Variants in ARID2 observed in about 807,000 individuals in gnomAD.
ARID2 encodes AT-rich interaction domain 2.
A neutral mutation model predicts 184.6 loss-of-function variants in ARID2; 32 were observed. The ratio of observed to expected loss-of-function variants is 0.17; its 90% CI spans 0.13 to 0.23. The LOEUF (loss-of-function observed/expected upper bound fraction) is 0.23, where lower values mean the gene tolerates loss of function less well. Among genes scored for constraint, ARID2 ranks in the 10% least tolerant of loss-of-function variants. The pLI is 1.00. For synonymous variants in ARID2, 836 were observed against 772.6 expected, an observed-to-expected ratio of 1.08 and a Z score of -1.36; for missense variants, 1,696 against 2,197.6, an observed-to-expected ratio of 0.77 and a Z score of 4.56.
chr12:45,803,242 T>C (rs1308687340), intron 3 of ARID2, among the ~76,000 whole-genome samples: 1 of 152,220 alleles, frequency 6.6e-6, no homozygotes, highest in African/African-American at 2.4e-5. Flanking sequence ...TGAATTCAGC[T>C]ATATAGAAAC....
intron 3 of ARID2, among the ~76,000 whole-genome samples, chr12:45,750,838 G>A (rs1592053979): frequency 2.0e-5 from 3 of 152,142 alleles, no homozygotes; most frequent in African/African-American, 7.2e-5. Flanking sequence ...ATTTTATAAT[G>A]AGGAAACTAA....
At chr12:45,849,012 T>C (rs1315770575) in intron 13 of ARID2, 42 bp downstream of exon 13, 1 of 1,579,126 alleles carries the variant, frequency 6.3e-7, no homozygotes, top group African/African-American at 1.4e-5. Flanking sequence ...TTTACGTCAC[T>C]TACAACATCT....
chr12:45,729,940 A>C lies in ARID2; in HGVS notation c.92+12A>C, dbSNP rs201415229. On this transcript the variant is annotated intron_variant, in intron 1 of 20. Transcript: ENST00000334344. The stretch of plus-strand genomic sequence containing the variant: ...CACCACAGCAGAGGGTGAGAGCAGA[A>C]CCGGGGGGGCAGCGCCGGGGCGAGC... 8.9e-5 allele frequency: 143 copies of C among 1,605,258 alleles called. 1 individual carries two copies. In the East Asian group the frequency reaches 1.9e-3, roughly 22 times the overall value.
chr12:45,896,589 C>T (rs1371924684), intron 20 of ARID2, among the ~76,000 whole-genome samples: 1 of 152,190 alleles, frequency 6.6e-6, no homozygotes, highest in African/African-American at 2.4e-5. Flanking sequence ...AATTGTGAGG[C>T]CTCCCCAGCC....
chr12:45,841,542 T>A (rs1341244397), intron 11 of ARID2: 8 of 152,258 alleles, frequency 5.3e-5, no homozygotes. Context: ...ATTACCATCT[T>A]TAAACTTTTT....
intron 3 of ARID2, chr12:45,789,107 A>T (rs1343976380): frequency 1.3e-5 from 2 of 152,196 alleles, no homozygotes; most frequent in South Asian, 4.1e-4. Flanking sequence ...GAGTTCTATA[A>T]ATAGGCAGTG....
chr12:45,777,110 A>T (rs957690819), intron 3 of ARID2, among the ~76,000 whole-genome samples: 1 of 151,910 alleles, frequency 6.6e-6, no homozygotes, highest in Non-Finnish European at 1.5e-5. Context: ...TATTTTTTAA[A>T]TAAGATATTT....
intron 2 of ARID2, among the ~76,000 whole-genome samples, chr12:45,730,926 G>A (rs1172591349): frequency 1.4e-5 from 2 of 147,484 alleles, no homozygotes; most frequent in Admixed American, 1.4e-4. Context: ...AGATTTAAAA[G>A]GGGGCGACAG....
At chr12:45,810,656 T>C (rs1318388856) in intron 3 of ARID2, among the ~76,000 whole-genome samples, 1 of 152,202 alleles carries the variant, frequency 6.6e-6, no homozygotes, top group African/African-American at 2.4e-5. Context: ...AAATATATTA[T>C]TAAATAAAGA....
intron 8 of ARID2, 125 bp from the exon 9 acceptor site, chr12:45,837,196 A>G (rs1411928690): frequency 1.2e-5 from 14 of 1,145,684 alleles, no homozygotes; most frequent in South Asian, 3.4e-5. Context: ...AGAAATGGCT[A>G]TTTTTACAAT....
chr12:45,840,693 A>G (rs1943328006), intron 11 of ARID2: 1 of 152,182 alleles, frequency 6.6e-6, no homozygotes, highest in African/African-American at 2.4e-5. Context: ...TATGAATGAG[A>G]TTGAACTCTC....
At chr12:45,813,567 T>C (rs1391409710) in intron 4 of ARID2, among the ~76,000 whole-genome samples, 1 of 152,044 alleles carries the variant, frequency 6.6e-6, no homozygotes, top group African/African-American at 2.4e-5. Flanking sequence ...TATTTGATCA[T>C]ACAGCCTTAT....
At chr12:45,876,363 C>A (rs772665278) in intron 16 of ARID2, among the ~76,000 whole-genome samples, 3 of 151,874 alleles carry the variant, frequency 2.0e-5, no homozygotes, top group Non-Finnish European at 4.4e-5. Flanking sequence ...CCACCCTGAC[C>A]AACATGGAGA....
chr12:45,894,200 G>A (rs1007563089), intron 20 of ARID2, among the ~76,000 whole-genome samples: 1 of 152,192 alleles, frequency 6.6e-6, no homozygotes, highest in African/African-American at 2.4e-5. Context: ...CCAGGATTTT[G>A]TAGATCTACA....
Position 45,819,967 on chromosome 12 carries a change from C to T in ARID2, c.638-1453C>T, listed in dbSNP as rs552986465. 3.9e-5 allele frequency among the ~76,000 whole-genome samples: 6 copies of T among 152,174 alleles called. No individual in the cohort carries two copies. The East Asian group carries it at 5.8e-4, about 15-fold the overall frequency. ...TCATGTTGGCCAGGCCAATCTCAAACTCCTGTCCTCAAGTGATCTGCCCGC... is the reference window on the plus strand; with the variant it reads ...TCATGTTGGCCAGGCCAATCTCAAATTCCTGTCCTCAAGTGATCTGCCCGC... On this transcript the variant is annotated intron_variant, in intron 5 of 20. Coordinates refer to ENST00000334344, the MANE Select transcript of ARID2 (RefSeq NM_152641.4).
intron 6 of ARID2, among the ~76,000 whole-genome samples, chr12:45,832,252 T>C (rs1291065267): frequency 6.6e-6 from 1 of 152,192 alleles, no homozygotes; most frequent in Non-Finnish European, 1.5e-5. Flanking sequence ...AGAAGTCAAC[T>C]TTTTTCTTAT....
chr12:45,806,792 G>A (rs574675083), intron 3 of ARID2, among the ~76,000 whole-genome samples: 17 of 152,168 alleles, frequency 1.1e-4, no homozygotes, highest in Admixed American at 1.3e-4. Flanking sequence ...CCCTGTCACC[G>A]GATGACACCA....
chr12:45,779,818 A>G (rs1181259584), intron 3 of ARID2, among the ~76,000 whole-genome samples: 3 of 152,260 alleles, frequency 2.0e-5, no homozygotes, highest in South Asian at 2.1e-4. Flanking sequence ...GTATTTTTCT[A>G]TAGAAAAATA....
chr12:45,852,166 A>T lies in ARID2; in HGVS notation c.4043A>T (p.Asp1348Val), dbSNP rs1429729468. Residue 1348 changes from aspartate (D) to valine (V), a missense_variant, in exon 15 of 21, where the codon GAT becomes GTT. Asp to Val is a radical substitution (Grantham distance 152, BLOSUM62 -3). Transcript: ENST00000334344. Reference protein sequence around the residue: ...KQNSEQIDMQDIKSDLRKPLV... With the variant: ...KQNSEQIDMQVIKSDLRKPLV... ...AACTCAGAACAAATAGACATGCAAG[A>T]TATCAAAAGTGATTTGAGAAAACCG... 1 of 1,614,142 alleles carries T rather than the reference A, an allele frequency of 6.2e-7. No individual in the cohort carries two copies. Among genetic ancestry groups the T allele is most frequent in the South Asian group, 1.1e-5 (1 of 91,082 alleles).
Sources: allele counts gnomAD v4.1 joint callset (sites outside exome capture counted in the v4.1 genomes callset), GRCh38; gene constraint gnomAD v4.1.1; transcripts MANE v1.5; gene names NCBI Gene and HGNC (gene_info 2026-07-23, HGNC 2026-07-21).